Variants in SCNN1B observed in about 807,000 individuals in gnomAD.
SCNN1B encodes sodium channel epithelial 1 subunit beta.
Under a neutral mutation model 65.3 loss-of-function variants are expected in SCNN1B, and 46 were observed. That is an observed-to-expected ratio of 0.70 (90% CI 0.56 to 0.90). The LOEUF (loss-of-function observed/expected upper bound fraction) is 0.90, where lower values mean the gene tolerates loss of function less well. Among genes scored for constraint, SCNN1B ranks in the 40% least tolerant of loss-of-function variants. The pLI, the probability that SCNN1B is intolerant of heterozygous loss-of-function variation, is 0.00. For missense variants in SCNN1B, 751 were observed against 830.5 expected (o/e 0.90, Z 1.18); for synonymous variants, 349 against 330.6 (o/e 1.06, Z -0.60).
intron 6 of SCNN1B, 31 bp from the exon 7 acceptor site, chr16:23,371,745 T>G (rs2142039659): frequency 6.5e-7 from 1 of 1,533,270 alleles, no homozygotes; most frequent in Non-Finnish European, 9.0e-7. Flanking sequence ...GGGTGACCAG[T>G]GTCCCCCTCA....
intron 1 of SCNN1B, among the ~76,000 whole-genome samples, chr16:23,282,678 A>G (rs1960799463): frequency 6.6e-6 from 1 of 152,220 alleles, no homozygotes; most frequent in African/African-American, 2.4e-5. Context: ...AGACACACCC[A>G]CTAGTGTGCC....
At chr16:23,283,672 C>T (rs1397042247) in intron 1 of SCNN1B, 1 of 145,502 alleles carries the variant, frequency 6.9e-6, no homozygotes, top group African/African-American at 2.4e-5. Flanking sequence ...AAAACAAAAC[C>T]ATTGTAGGCA....
At position 23,380,406 on chromosome 16, in the gene SCNN1B, C is replaced by G. The variant is rs753156687; in HGVS notation, c.1543-15C>G. The G allele has an allele frequency of 1.5e-5, 24 of 1,613,926 alleles. No individual in the cohort carries two copies. The South Asian group carries it at 2.5e-4, about 17-fold the overall frequency. ...TGTGTGGCCTGAGCTCACCCCAGCTCCCTGTTCCCCACAGATCGTCTGGCT... is the reference window on the plus strand; with the variant it reads ...TGTGTGGCCTGAGCTCACCCCAGCTGCCTGTTCCCCACAGATCGTCTGGCT... On this transcript the variant is annotated splice_polypyrimidine_tract_variant and intron_variant, in intron 12 of 12. Coordinates refer to ENST00000343070, the MANE Select transcript of SCNN1B (RefSeq NM_000336.3). This position sits in a 1 kb window ranked among gnomAD's most constrained non-coding sequence, Gnocchi z 5.4.
chr16:23,286,559 G>A (rs766213263), intron 2 of SCNN1B, among the ~76,000 whole-genome samples: 9 of 152,256 alleles, frequency 5.9e-5, no homozygotes, highest in Non-Finnish European at 1.2e-4. Flanking sequence ...AAGAATTCTT[G>A]CCGATAACGT....
intron 4 of SCNN1B, among the ~76,000 whole-genome samples, chr16:23,359,900 AT>A (rs942181941): frequency 6.6e-6 from 1 of 152,144 alleles, no homozygotes; most frequent in Non-Finnish European, 1.5e-5. Flanking sequence ...TTATAGGAGC[AT>A]TTTTTTAAAA....
chr16:23,310,194 T>C (rs375508878), intron 1 of SCNN1B, among the ~76,000 whole-genome samples: 9 of 148,370 alleles, frequency 6.1e-5, no homozygotes, highest in Non-Finnish European at 1.0e-4. Flanking sequence ...CTGGGCAGCA[T>C]AGTGAGACCC....
chr16:23,353,283 A>T, intron 3 of SCNN1B: 1 of 610,748 alleles, frequency 1.6e-6, no homozygotes, highest in Non-Finnish European at 2.9e-6. Flanking sequence ...AGCTCACACT[A>T]GCTTAAGCAA....
Position 23,314,725 on chromosome 16 carries a change from T to C in SCNN1B, c.-9+12288T>C, listed in dbSNP as rs72652286. Among the ~76,000 whole-genome samples, 940 of 152,356 alleles carry C rather than the reference T, an allele frequency of 6.2e-3. 14 individuals are homozygous for C. The highest frequency in any genetic ancestry group is 0.029 in the South Asian group (139 of 4,832). On this transcript the variant is annotated intron_variant, in intron 1 of 12. Coordinates refer to ENST00000343070, the MANE Select transcript of SCNN1B (RefSeq NM_000336.3). ...AATGCCAGGAACCACCCTGGGTCAC[T>C]GTGAGGGTGAAGATTGTAATCTCCC...
chr16:23,312,629 G>A (rs1961368944), intron 1 of SCNN1B, among the ~76,000 whole-genome samples: 1 of 152,180 alleles, frequency 6.6e-6, no homozygotes, highest in South Asian at 2.1e-4. Context: ...GCCAGAAACA[G>A]CTTTATCTGC....
intron 1 of SCNN1B, among the ~76,000 whole-genome samples, chr16:23,307,295 C>CTTTTTTTTTTTTTTTT (rs761118487): frequency 8.8e-6 from 1 of 113,318 alleles, no homozygotes; most frequent in African/African-American, 3.7e-5. Flanking sequence ...GCCTGTGCTC[C>CTTTTTTTTTTTTTTTT]TTTTTTTTTT....
chr16:23,380,469 G>A lies in SCNN1B; in HGVS notation c.1591G>A (p.Gly531Arg), dbSNP rs749331595. 1 of 1,614,214 alleles carries A rather than the reference G, an allele frequency of 6.2e-7. No homozygotes were observed. Among genetic ancestry groups the A allele is most frequent in the Non-Finnish European group, 8.5e-7 (1 of 1,180,020 alleles). Reference sequence around the variant, plus strand: ...GGGTGGCCAGTTTGGCTTCTGGATGGGGGGCTCTGTGCTGTGCCTCATCGA... The same window carrying A: ...GGGTGGCCAGTTTGGCTTCTGGATGAGGGGCTCTGTGCTGTGCCTCATCGA... ...NLGGQFGFWMGGSVLCLIEFG... is the reference protein window; with the variant it reads ...NLGGQFGFWMRGSVLCLIEFG... The change falls in exon 13 of 13, where the codon GGG (glycine) becomes AGG (arginine). Residue 531 changes from glycine to arginine, a missense_variant. Physicochemically the swap from Gly to Arg is moderately radical, Grantham distance 125. Coordinates refer to ENST00000343070, the MANE Select transcript of SCNN1B (RefSeq NM_000336.3). This position sits in a 1 kb window ranked among gnomAD's most constrained non-coding sequence, Gnocchi z 5.4.
intron 1 of SCNN1B, among the ~76,000 whole-genome samples, chr16:23,308,465 G>A (rs1311386199): frequency 6.6e-6 from 1 of 152,200 alleles, no homozygotes; most frequent in African/African-American, 2.4e-5. Context: ...TGAGGCTGCA[G>A]TGAGCCATGA....
intron 2 of SCNN1B, among the ~76,000 whole-genome samples, chr16:23,288,526 G>A (rs961203501): frequency 6.6e-6 from 1 of 152,196 alleles, no homozygotes; most frequent in Non-Finnish European, 1.5e-5. Flanking sequence ...GCTGGGGCCA[G>A]GTGCAGTGGC....
intron 1 of SCNN1B, among the ~76,000 whole-genome samples, chr16:23,318,858 C>T (rs568276600): frequency 2.6e-5 from 4 of 152,300 alleles, no homozygotes; most frequent in Admixed American, 1.3e-4. Flanking sequence ...TGGGGCCCAA[C>T]CTGAAGTCTT....
chr16:23,280,181 A>G (rs1211360391), intron 1 of SCNN1B, among the ~76,000 whole-genome samples: 5 of 152,042 alleles, frequency 3.3e-5, no homozygotes. Flanking sequence ...TCGCTCTTAC[A>G]TGAAGCTTGA....
chr16:23,377,351 A>G lies in SCNN1B; in HGVS notation c.1369A>G (p.Ile457Val). ...SCNDTQYKMT[I>V]SMADWPSEAS... is the part of the protein sequence containing the mutation. ...CAGTGACACCCAGTACAAGATGACC[A>G]TCTCCATGGCTGACTGGCCTTCTGA... The change falls in exon 10 of 13, where the codon ATC (isoleucine) becomes GTC (valine). Residue 457 changes from isoleucine to valine, a missense_variant. Transcript: ENST00000343070. The G allele has an allele frequency of 6.2e-7, 1 of 1,614,216 alleles. No individual in the cohort carries two copies. Among genetic ancestry groups the G allele is most frequent in the Non-Finnish European group, 8.5e-7 (1 of 1,180,036 alleles).
intron 4 of SCNN1B, chr16:23,359,101 TA>T (rs1962480432): frequency 6.6e-6 from 1 of 152,146 alleles, no homozygotes; most frequent in African/African-American, 2.4e-5. Context: ...TTTATTTTTT[TA>T]AGAGACAGGG....
chr16:23,366,251 CAGG>C (rs936732840), intron 4 of SCNN1B, among the ~76,000 whole-genome samples: 3 of 152,106 alleles, frequency 2.0e-5, no homozygotes, highest in African/African-American at 7.2e-5. Context: ...GTTGCCCAGG[CAGG>C]AGTACAGTGG....
At chr16:23,286,556 C>T (rs1163497698) in intron 2 of SCNN1B, among the ~76,000 whole-genome samples, 1 of 152,244 alleles carries the variant, frequency 6.6e-6, no homozygotes, top group African/African-American at 2.4e-5. Flanking sequence ...AGGAAGAATT[C>T]TTGCCGATAA....
Sources: allele counts gnomAD v4.1 joint callset (sites outside exome capture counted in the v4.1 genomes callset), GRCh38; gene constraint gnomAD v4.1.1; non-coding constraint Gnocchi (gnomAD v3.1); transcripts MANE v1.5; gene names NCBI Gene and HGNC (gene_info 2026-07-23, HGNC 2026-07-21).